RNF111: variants seen among roughly 807,000 people sequenced by gnomAD.
The protein encoded by RNF111 is E3 ubiquitin-protein ligase Arkadia.
RNF111 carries 17 observed loss-of-function variants against 95.1 expected under a neutral mutation model. The ratio of observed to expected loss-of-function variants is 0.18; its 90% CI spans 0.12 to 0.27. The LOEUF (loss-of-function observed/expected upper bound fraction) is 0.27. Among genes scored for constraint, RNF111 ranks in the 10% least tolerant of loss-of-function variants. The pLI, the probability that RNF111 is intolerant of heterozygous loss-of-function variation, is 1.00. For synonymous variants in RNF111, 440 were observed against 414.8 expected (o/e 1.06, Z -0.74); for missense variants, 1,189 against 1,210.4 (o/e 0.98, Z 0.26).
chr15:59,066,203 C>CCT (rs2042647412), intron 5 of RNF111, among the ~76,000 whole-genome samples: 2 of 152,198 alleles, frequency 1.3e-5, no homozygotes, highest in African/African-American at 4.8e-5. Context: ...AAAACATGAT[C>CCT]TATTGCCATA....
intron 2 of RNF111, among the ~76,000 whole-genome samples, chr15:59,043,834 T>C (rs1185516803): frequency 6.6e-6 from 1 of 152,074 alleles, no homozygotes; most frequent in Non-Finnish European, 1.5e-5. Context: ...CACCCACATG[T>C]TTAGTAGGTA....
At chr15:59,002,734 C>T (rs987646148) in intron 1 of RNF111, among the ~76,000 whole-genome samples, 3 of 152,200 alleles carry the variant, frequency 2.0e-5, no homozygotes, top group African/African-American at 4.8e-5. Flanking sequence ...TCTACCTGAT[C>T]TGGCCCTGAC....
intron 4 of RNF111, among the ~76,000 whole-genome samples, chr15:59,056,471 A>G (rs2042204799): frequency 6.6e-6 from 1 of 152,204 alleles, no homozygotes; most frequent in South Asian, 2.1e-4. Context: ...TATTAGTTAT[A>G]TCTTAGGAAA....
intron 1 of RNF111, among the ~76,000 whole-genome samples, chr15:58,997,282 G>A (rs1335282338): frequency 6.6e-6 from 1 of 152,084 alleles, no homozygotes; most frequent in South Asian, 2.1e-4. Flanking sequence ...AGTGTGGTCT[G>A]TTGACTCTTG....
intron 1 of RNF111, among the ~76,000 whole-genome samples, chr15:59,005,551 A>C (rs1360834941): frequency 6.6e-6 from 1 of 152,046 alleles, no homozygotes; most frequent in Non-Finnish European, 1.5e-5. Flanking sequence ...TGTTACTCCA[A>C]CCTTTGCTTT....
chr15:59,094,358 G>C (rs772998052), intron 13 of RNF111, among the ~76,000 whole-genome samples: 24 of 152,038 alleles, frequency 1.6e-4, no homozygotes, highest in Non-Finnish European at 2.9e-4. Context: ...TTTTGAGAGA[G>C]AATTAAATGA....
At chr15:59,090,346 C>T (rs574743037) in intron 11 of RNF111, among the ~76,000 whole-genome samples, 4 of 152,294 alleles carry the variant, frequency 2.6e-5, no homozygotes, top group South Asian at 2.1e-4. Flanking sequence ...TCTCCTGCCT[C>T]GGCTTCCTGA....
intron 1 of RNF111, among the ~76,000 whole-genome samples, chr15:59,024,570 T>C (rs1480615479): frequency 2.6e-5 from 4 of 152,228 alleles, no homozygotes; most frequent in African/African-American, 7.2e-5. Flanking sequence ...GATGCCAACA[T>C]AGGATTACAT....
At chr15:59,028,312 G>A (rs1465843316) in intron 1 of RNF111, among the ~76,000 whole-genome samples, 1 of 151,694 alleles carries the variant, frequency 6.6e-6, no homozygotes, top group Non-Finnish European at 1.5e-5. Flanking sequence ...AGTCAGTATG[G>A]TAGTCTGCGC....
At chr15:59,089,357 T>C (rs1429477130) in intron 10 of RNF111, among the ~76,000 whole-genome samples, 7 of 152,310 alleles carry the variant, frequency 4.6e-5, no homozygotes, top group African/African-American at 1.4e-4. Flanking sequence ...GAAAATTGTG[T>C]GCATTTTTTG....
At chr15:59,027,258 ACT>A (rs2040662364) in intron 1 of RNF111, among the ~76,000 whole-genome samples, 2 of 152,086 alleles carry the variant, frequency 1.3e-5, no homozygotes, top group African/African-American at 4.8e-5. Context: ...CCAGAACATA[ACT>A]CTGACATGGG....
chr15:59,080,191 GC>G lies in RNF111; in HGVS notation c.1949-744del, dbSNP rs1156887162. On this transcript the variant is annotated intron_variant, in intron 7 of 13. Transcript: ENST00000348370. The stretch of plus-strand genomic sequence containing the variant: ...GCTGGGGTGCAGTGGCATGATCTCA[GC>G]TCACTGCATCCTCCACCTCCCAGGT... Among the ~76,000 whole-genome samples the G allele has an allele frequency of 4.4e-5, 6 of 136,528 alleles. No individual in the cohort carries two copies. The Admixed American group carries it at 4.4e-4, about 10-fold the overall frequency. 89.6% of individuals were successfully genotyped at this position (136,528 alleles called of 152,430 possible).
intron 4 of RNF111, 116 bp from the exon 5 acceptor site, chr15:59,058,240 G>A: frequency 1.3e-6 from 1 of 787,220 alleles, no homozygotes; most frequent in South Asian, 2.0e-5. Context: ...TTATTAGAGA[G>A]CTTGTATTTT....
intron 1 of RNF111, among the ~76,000 whole-genome samples, chr15:58,991,641 T>C (rs1026225497): frequency 4.6e-5 from 7 of 152,314 alleles, no homozygotes; most frequent in South Asian, 4.1e-4. Context: ...TCAGCCATAG[T>C]GACGATTTGG....
intron 6 of RNF111, among the ~76,000 whole-genome samples, chr15:59,073,289 A>G: frequency 6.6e-6 from 1 of 152,126 alleles, no homozygotes; most frequent in East Asian, 1.9e-4. Flanking sequence ...AGCGTGGGCA[A>G]CATGGTGAAA....
chr15:59,012,415 T>C (rs1331102894), intron 1 of RNF111, among the ~76,000 whole-genome samples: 1 of 152,216 alleles, frequency 6.6e-6, no homozygotes, highest in Non-Finnish European at 1.5e-5. Flanking sequence ...TCTGTTCTCA[T>C]TTAATAGTAG....
At chr15:59,050,125 CG>C (rs1224022263) in intron 2 of RNF111, 1 of 151,510 alleles carries the variant, frequency 6.6e-6, no homozygotes, top group Non-Finnish European at 1.5e-5. Flanking sequence ...AGTGCATTGG[CG>C]TGATCTCGGC....
chr15:59,000,290 A>G (rs1301200586), intron 1 of RNF111, among the ~76,000 whole-genome samples: 1 of 151,620 alleles, frequency 6.6e-6, no homozygotes, highest in East Asian at 1.9e-4. Context: ...CAGCCTCCCA[A>G]GTAGCTGGGA....
At chr15:58,996,893 C>T (rs979913147) in intron 1 of RNF111, among the ~76,000 whole-genome samples, 5 of 152,032 alleles carry the variant, frequency 3.3e-5, no homozygotes, top group African/African-American at 1.2e-4. Context: ...GTTTCCTATG[C>T]AACTCTCCTA....
Sources: allele counts gnomAD v4.1 joint callset (sites outside exome capture counted in the v4.1 genomes callset), GRCh38; gene constraint gnomAD v4.1.1; transcripts MANE v1.5; gene names NCBI Gene and HGNC (gene_info 2026-07-23, HGNC 2026-07-21).